The following TGFBR3 variants were observed in gnomAD, a reference collection of about 807,000 sequenced individuals.
TGFBR3 encodes the protein transforming growth factor beta receptor type 3.
A neutral mutation model predicts 87.9 loss-of-function variants in TGFBR3; 46 were observed. That is an observed-to-expected ratio of 0.52 (90% CI 0.41 to 0.67). The LOEUF is 0.67. Among genes scored for constraint, TGFBR3 ranks in the 30% least tolerant of loss-of-function variants. TGFBR3 has a pLI of 0.00. For missense variants in TGFBR3, 866 were observed against 1,041.9 expected (o/e 0.83, Z 2.32); for synonymous variants, 381 against 391.6 (o/e 0.97, Z 0.32).
At chr1:91,792,112 A>G (rs1675216717) in intron 3 of TGFBR3, among the ~76,000 whole-genome samples, 1 of 152,186 alleles carries the variant, frequency 6.6e-6, no homozygotes, top group Non-Finnish European at 1.5e-5. Context: ...CACACATCCC[A>G]TTTGTCTGTG....
intron 3 of TGFBR3, among the ~76,000 whole-genome samples, chr1:91,792,586 A>G (rs2100994558): frequency 6.6e-6 from 1 of 152,376 alleles, no homozygotes; most frequent in Non-Finnish European, 1.5e-5. Flanking sequence ...GCAGGTCACA[A>G]GTAAAAATTA....
At chr1:91,776,063 C>T (rs1674555787) in intron 3 of TGFBR3, among the ~76,000 whole-genome samples, 1 of 152,252 alleles carries the variant, frequency 6.6e-6, no homozygotes, top group South Asian at 2.1e-4. Context: ...CTATAGATGA[C>T]AGCCCAGCTA....
In TGFBR3 at chr1:91,689,166, T is replaced by TC. The variant is rs1374387182; in HGVS notation, c.2438-5310dup. 4.6e-5 allele frequency among the ~76,000 whole-genome samples: 7 copies of TC among 152,216 alleles called. 1 individual carries two copies. Among genetic ancestry groups the TC allele is most frequent in the African/African-American group, 1.4e-4 (6 of 41,516 alleles). On this transcript the variant is annotated intron_variant, in intron 16 of 16. Transcript: ENST00000212355. ...ATACCCTTCCCCCTTCTTCTCACCCTCCCCTCAGTTTCCATAAAAGGTTAA... is the reference window on the plus strand; with the variant it reads ...ATACCCTTCCCCCTTCTTCTCACCCTCCCCCTCAGTTTCCATAAAAGGTTAA...
chr1:91,729,722 C>T (rs574324760), intron 6 of TGFBR3, 83 bp downstream of exon 6: 55 of 1,538,956 alleles, frequency 3.6e-5, no homozygotes, highest in East Asian at 3.1e-4. Flanking sequence ...GGGTGTAGGA[C>T]GGGCTACACC....
At chr1:91,847,392 T>A (rs560726336) in intron 2 of TGFBR3, among the ~76,000 whole-genome samples, 4 of 151,736 alleles carry the variant, frequency 2.6e-5, no homozygotes, top group Non-Finnish European at 5.9e-5. Flanking sequence ...TCACCTGAGG[T>A]TGGGAGTTCG....
chr1:91,844,525 C>T (rs1197237558), intron 2 of TGFBR3, among the ~76,000 whole-genome samples: 1 of 152,202 alleles, frequency 6.6e-6, no homozygotes, highest in Non-Finnish European at 1.5e-5. Context: ...AAAACAGATA[C>T]TACAGGCAAC....
At chr1:91,870,389 A>C (rs1264949441) in intron 1 of TGFBR3, among the ~76,000 whole-genome samples, 1 of 152,238 alleles carries the variant, frequency 6.6e-6, no homozygotes, top group African/African-American at 2.4e-5. Flanking sequence ...CCGACCCTTT[A>C]ATTTTACAGA....
intron 4 of TGFBR3, among the ~76,000 whole-genome samples, chr1:91,737,614 T>G (rs887403783): frequency 1.3e-5 from 2 of 152,130 alleles, no homozygotes; most frequent in Non-Finnish European, 2.9e-5. Flanking sequence ...TTTTATACAC[T>G]AGTCTGAGCC....
At chr1:91,838,339 CACTAAAAACCA>C (rs1677133372) in intron 2 of TGFBR3, among the ~76,000 whole-genome samples, 1 of 152,020 alleles carries the variant, frequency 6.6e-6, no homozygotes, top group African/African-American at 2.4e-5. Context: ...TTTATTAATT[CACTAAAAACCA>C]ACTATAATAA....
chr1:91,681,100 T>C lies in TGFBR3; in HGVS notation c.*2639A>G, dbSNP rs545708974. On this transcript the variant is annotated 3_prime_UTR_variant, in exon 17 of 17. Coordinates refer to ENST00000212355, the MANE Select transcript of TGFBR3 (RefSeq NM_003243.5). ...TGCAGAAATAACAAAAGACTGCAGA[T>C]ACAAGAGTTCAGCTGAAATACAACA... The C allele has an allele frequency of 8.8e-6, 4 of 454,112 alleles. No individual in the cohort carries two copies. Among genetic ancestry groups the C allele is most frequent in the African/African-American group, 6.0e-5 (3 of 50,134 alleles). 28.1% of individuals were successfully genotyped at this position (454,112 alleles called of 1,614,324 possible).
chr1:91,803,087 C>A (rs1393156690), intron 2 of TGFBR3, among the ~76,000 whole-genome samples: 4 of 152,210 alleles, frequency 2.6e-5, no homozygotes, highest in Non-Finnish European at 5.9e-5. Context: ...ACTTATCACT[C>A]CATCTCTGCT....
rs185738264 is a variant in TGFBR3 at position 91,687,307 on chromosome 1, G to A, written c.2438-3450C>T. Among the ~76,000 whole-genome samples, 11 of 152,212 alleles carry A rather than the reference G, an allele frequency of 7.2e-5. No individual in the cohort carries two copies. In the East Asian group the frequency reaches 2.1e-3, roughly 29 times the overall value. Reference sequence around the variant, plus strand: ...GAAGAGCCTCTGCACTCCAACCTGGGCAACAGAGAGAGACCCTGTCTCTAC... The same window carrying A: ...GAAGAGCCTCTGCACTCCAACCTGGACAACAGAGAGAGACCCTGTCTCTAC... On this transcript the variant is annotated intron_variant, in intron 16 of 16. Coordinates refer to ENST00000212355, the MANE Select transcript of TGFBR3 (RefSeq NM_003243.5).
At chr1:91,784,416 A>T (rs1465171133) in intron 3 of TGFBR3, among the ~76,000 whole-genome samples, 1 of 152,160 alleles carries the variant, frequency 6.6e-6, no homozygotes, top group African/African-American at 2.4e-5. Flanking sequence ...AAGACCCAAG[A>T]CCTAGTTCCT....
At chr1:91,695,980 C>T (rs1671423989) in intron 15 of TGFBR3, among the ~76,000 whole-genome samples, 1 of 152,000 alleles carries the variant, frequency 6.6e-6, no homozygotes, top group Admixed American at 6.6e-5. Context: ...ATCAGGTTTC[C>T]AAAGTATTCT....
upstream of TGFBR3, among the ~76,000 whole-genome samples, chr1:91,889,331 C>T (rs1679398614): frequency 6.6e-6 from 1 of 152,076 alleles, no homozygotes; most frequent in Non-Finnish European, 1.5e-5. Context: ...CAAAACCTGT[C>T]CACGATTCAA....
intron 4 of TGFBR3, among the ~76,000 whole-genome samples, chr1:91,748,605 G>A (rs1337071527): frequency 6.6e-6 from 1 of 152,092 alleles, no homozygotes; most frequent in East Asian, 1.9e-4. Flanking sequence ...CCCTGTTCTT[G>A]GAACAGTCAT....
intron 3 of TGFBR3, among the ~76,000 whole-genome samples, chr1:91,784,705 C>T (rs1463522877): frequency 6.6e-6 from 1 of 152,040 alleles, no homozygotes; most frequent in African/African-American, 2.4e-5. Context: ...AGAATAAGGG[C>T]GTGGGGCAAG....
intron 2 of TGFBR3, among the ~76,000 whole-genome samples, chr1:91,855,974 C>T (rs925313480): frequency 2.6e-5 from 4 of 151,778 alleles, no homozygotes; most frequent in Non-Finnish European, 5.9e-5. Context: ...ATGGTCCTTA[C>T]ACAGCTCGTG....
intron 2 of TGFBR3, among the ~76,000 whole-genome samples, chr1:91,806,198 T>A (rs530415758): frequency 8.5e-5 from 13 of 152,308 alleles, no homozygotes; most frequent in Admixed American, 2.6e-4. Context: ...GTTCCTAAGA[T>A]CTCGCTATAA....
Sources: allele counts gnomAD v4.1 joint callset (sites outside exome capture counted in the v4.1 genomes callset), GRCh38; gene constraint gnomAD v4.1.1; transcripts MANE v1.5; gene names NCBI Gene and HGNC (gene_info 2026-07-23, HGNC 2026-07-21).